The following OARD1 variants were observed in gnomAD, a reference collection of about 807,000 sequenced individuals.
OARD1 encodes ADP-ribose glycohydrolase OARD1.
In OARD1, 19 loss-of-function variants were observed where a neutral mutation model predicts 19.7. That is an observed-to-expected ratio of 0.96 (90% CI 0.67 to 1.41). The LOEUF (loss-of-function observed/expected upper bound fraction) is 1.41. Among genes scored for constraint, OARD1 ranks in the 40% most tolerant of loss-of-function variants. OARD1 has a pLI of 0.00. For synonymous variants in OARD1, 70 were observed against 61.8 expected (o/e 1.13, Z -0.62); for missense variants, 190 against 183.8 (o/e 1.03, Z -0.20).
intron 1 of OARD1, chr6:41,094,489 C>T (rs1268778598): frequency 6.2e-7 from 1 of 1,612,930 alleles, no homozygotes. Flanking sequence ...GGATAGTCCC[C>T]ATATGCAGGT....
intron 1 of OARD1, chr6:41,092,805 T>C: frequency 8.7e-7 from 1 of 1,155,206 alleles, no homozygotes; most frequent in Non-Finnish European, 1.2e-6. Context: ...CCTATAAAAA[T>C]TACTTTTTGT....
At chr6:41,091,984 A>G (rs965297466) in intron 1 of OARD1, among the ~76,000 whole-genome samples, 4 of 152,230 alleles carry the variant, frequency 2.6e-5, no homozygotes, top group Non-Finnish European at 4.4e-5. Flanking sequence ...GGAATTATAT[A>G]CTAATCTTTG....
intron 1 of OARD1, among the ~76,000 whole-genome samples, chr6:41,092,248 C>G (rs554878207): frequency 6.6e-6 from 1 of 152,318 alleles, no homozygotes; most frequent in East Asian, 1.9e-4. Context: ...AGAACCAACC[C>G]TGGCTCAGTG....
chr6:41,073,571 TC>T (rs1389045412), upstream of OARD1, among the ~76,000 whole-genome samples: 1 of 150,964 alleles, frequency 6.6e-6, no homozygotes, highest in Non-Finnish European at 1.5e-5. Context: ...CGCCCCCCGC[TC>T]CCCGCTCCCA....
rs1002101206 is a variant in OARD1 at position 41,065,402 on chromosome 6, G to A, written c.*1933C>T. On this transcript the variant is annotated 3_prime_UTR_variant, in exon 6 of 6. Transcript: ENST00000424266. ...CTTCAACTGAACTCAACTTAAGATG[G>A]GGTTACCCAGACATAGACCTAAGTT... 2.0e-4 allele frequency: 31 copies of A among 152,088 alleles called. No individual in the cohort carries two copies. The highest frequency in any genetic ancestry group is 7.0e-4 in the African/African-American group (29 of 41,386). The allele number at this position is 152,088 out of a possible 1,614,324, so 9.4% of individuals were successfully genotyped here. A position where few individuals can be genotyped will look rare whatever the true frequency, so the allele number is the denominator to read the frequency against.
intron 1 of OARD1, chr6:41,090,314 G>C: frequency 6.2e-7 from 1 of 1,607,552 alleles, no homozygotes; most frequent in South Asian, 1.1e-5. Context: ...AGCAAGGTAA[G>C]TGTACCCATA....
At chr6:41,088,292 G>A (rs981707449) in intron 1 of OARD1, among the ~76,000 whole-genome samples, 6 of 151,582 alleles carry the variant, frequency 4.0e-5, no homozygotes, top group Admixed American at 1.3e-4. Context: ...GCGTGATGGC[G>A]GACGCCTGTA....
At chr6:41,069,366 T>G (rs1163308745) in intron 4 of OARD1, 1 of 155,294 alleles carries the variant, frequency 6.4e-6, no homozygotes, top group East Asian at 1.9e-4. Flanking sequence ...TGTGCTTGCT[T>G]GCTTTTTGTC....
intron 1 of OARD1, chr6:41,091,764 T>C: frequency 6.5e-7 from 1 of 1,547,836 alleles, no homozygotes; most frequent in Non-Finnish European, 8.8e-7. Context: ...CCTCCTAAAA[T>C]TTATTATGTT....
In OARD1 at chr6:41,065,343, C is replaced by A. The variant is rs891816586; in HGVS notation, c.*1992G>T. ...TTTGTCTTGCAATTTTTGGACTTTACAACGGTGCAAAAGCCATACACATTC... is the reference window on the plus strand; with the variant it reads ...TTTGTCTTGCAATTTTTGGACTTTAAAACGGTGCAAAAGCCATACACATTC... On this transcript the variant is annotated 3_prime_UTR_variant, in exon 6 of 6. Transcript: ENST00000424266. 32 of 152,328 alleles carry A rather than the reference C, an allele frequency of 2.1e-4. No individual in the cohort carries two copies. The highest frequency in any genetic ancestry group is 2.0e-3 in the Admixed American group (30 of 15,302). The allele number at this position is 152,328 out of a possible 1,614,324, so 9.4% of individuals were successfully genotyped here. A position where few individuals can be genotyped will look rare whatever the true frequency, so the allele number is the denominator to read the frequency against.
chr6:41,092,408 G>T (rs1047595201), intron 1 of OARD1, among the ~76,000 whole-genome samples: 1 of 152,192 alleles, frequency 6.6e-6, no homozygotes, highest in Non-Finnish European at 1.5e-5. Context: ...ATTCAATACA[G>T]TTATTCAAAG....
At chr6:41,091,264 A>G (rs1764191516) in intron 1 of OARD1, among the ~76,000 whole-genome samples, 2 of 152,256 alleles carry the variant, frequency 1.3e-5, no homozygotes, top group African/African-American at 4.8e-5. Flanking sequence ...GAGGCCTCCA[A>G]ACCTTTTCAC....
intron 4 of OARD1, 66 bp downstream of exon 4, chr6:41,070,010 G>T: frequency 2.1e-6 from 2 of 931,548 alleles, no homozygotes; most frequent in Non-Finnish European, 1.8e-6. Context: ...CAGCCCATCT[G>T]TTCACAAATC....
At chr6:41,080,374 A>G (rs997425708) in intron 1 of OARD1, among the ~76,000 whole-genome samples, 1 of 152,202 alleles carries the variant, frequency 6.6e-6, no homozygotes, top group African/African-American at 2.4e-5. Flanking sequence ...TTCGGTTCAT[A>G]GTGATTAATT....
rs201526617 is a variant in OARD1, at chr6:41,067,359, G to T, written c.435C>A (p.Ile145=). The change falls in exon 6 of 6, where the codon ATC becomes ATA. Residue 145 remains isoleucine, a synonymous_variant. Coordinates refer to ENST00000424266, the MANE Select transcript of OARD1 (RefSeq NM_001329686.2). ...MIEEVFEATD[I]KITVYTL The stretch of plus-strand genomic sequence containing the variant: ...TTCAGAGTGTGTACACAGTAATTTT[G>T]ATGTCTGTTGCCTCAAATACCTCCT... The T allele has an allele frequency of 1.2e-6, 2 of 1,611,626 alleles. No individual in the cohort carries two copies. The highest frequency in any genetic ancestry group is 1.3e-5 in the African/African-American group (1 of 74,860).
chr6:41,097,568 G>A, intron 1 of OARD1: 1 of 669,532 alleles, frequency 1.5e-6, no homozygotes, highest in South Asian at 2.0e-5. Context: ...TACAATTGCA[G>A]CGATGCCTGG....
chr6:41,092,077 C>CA (rs533265833), intron 1 of OARD1, among the ~76,000 whole-genome samples: 7 of 149,878 alleles, frequency 4.7e-5, no homozygotes, highest in African/African-American at 1.5e-4. Flanking sequence ...ATAGAGAAAC[C>CA]AAAAAAAAAG....
rs1215454902 is a variant in OARD1, at chr6:41,070,043, C to T, written c.243+33G>A. The stretch of plus-strand genomic sequence containing the variant: ...ATCCTTAAAATGTATTAAGAACTGG[C>T]CCTGAAAAAAAAAGGAATTGGCCCC... On this transcript the variant is annotated intron_variant, in intron 4 of 5. Transcript: ENST00000424266. 7.9e-6 allele frequency: 10 copies of T among 1,270,242 alleles called. No individual in the cohort carries two copies. In the African/African-American group the frequency reaches 1.3e-4, roughly 17 times the overall value. The allele number at this position is 1,270,242 out of a possible 1,614,324, so 78.7% of individuals were successfully genotyped here.
chr6:41,067,554 A>G, intron 5 of OARD1, 117 bp from the exon 6 acceptor site: 1 of 635,330 alleles, frequency 1.6e-6, no homozygotes, highest in Non-Finnish European at 2.7e-6. Context: ...TGACACCCTT[A>G]TGGGCAACCA....
Sources: allele counts gnomAD v4.1 joint callset (sites outside exome capture counted in the v4.1 genomes callset), GRCh38; gene constraint gnomAD v4.1.1; transcripts MANE v1.5; gene names NCBI Gene and HGNC (gene_info 2026-07-23, HGNC 2026-07-21).